MAP6: variants seen among roughly 807,000 people sequenced by gnomAD.
MAP6 encodes microtubule associated protein 6.
Under a neutral mutation model 42.4 loss-of-function variants are expected in MAP6, and 26 were observed. The observed-to-expected ratio is 0.61, with a 90% CI of 0.45 to 0.85. The LOEUF is 0.85. MAP6 is among the 40% of genes least tolerant of loss of function. The pLI, the probability that MAP6 is intolerant of heterozygous loss-of-function variation, is 0.00. For synonymous variants in MAP6, 418 were observed against 443.8 expected, an observed-to-expected ratio of 0.94 and a Z score of 0.73; for missense variants, 966 against 1,099.0, an observed-to-expected ratio of 0.88 and a Z score of 1.71.
intron 1 of MAP6, among the ~76,000 whole-genome samples, chr11:75,650,010 G>A (rs1019683759): frequency 6.6e-6 from 1 of 152,098 alleles, no homozygotes; most frequent in Admixed American, 6.5e-5. Flanking sequence ...GAGCAGTATC[G>A]AATGGATGGA....
chr11:75,639,080 G>A (rs571843448), intron 1 of MAP6, among the ~76,000 whole-genome samples: 1 of 152,328 alleles, frequency 6.6e-6, no homozygotes, highest in East Asian at 1.9e-4. Context: ...TCACTTGTAA[G>A]TGGGAGCTAA....
intron 1 of MAP6, chr11:75,635,781 T>C (rs1375716897): frequency 1.3e-5 from 2 of 152,172 alleles, no homozygotes; most frequent in Admixed American, 1.3e-4. Context: ...AGGCAGGGCT[T>C]TGGGGAGGTA....
intron 1 of MAP6, among the ~76,000 whole-genome samples, chr11:75,643,773 C>T (rs1357513403): frequency 1.3e-5 from 2 of 152,284 alleles, no homozygotes; most frequent in Non-Finnish European, 2.9e-5. Flanking sequence ...GAGGTAGGTG[C>T]TGTTATGATA....
At chr11:75,607,215 C>T (rs1565258704) in intron 2 of MAP6, 2 of 984,958 alleles carry the variant, frequency 2.0e-6, no homozygotes, top group Non-Finnish European at 1.2e-6. Context: ...GTTACCTTAC[C>T]CATAAACTGG....
At position 75,667,322 on chromosome 11, in the gene MAP6, TGGGA is replaced by T; in HGVS notation, c.905+139_905+142del. 1 of 708,640 alleles carries T rather than the reference TGGGA, an allele frequency of 1.4e-6. No homozygotes were observed. The highest frequency in any genetic ancestry group is 2.1e-6 in the Non-Finnish European group (1 of 476,372). The allele number at this position is 708,640 out of a possible 1,614,324, so 43.9% of individuals were successfully genotyped here. ...GAGAAGGCTTCGACAGGAGGTGGCC[TGGGA>T]GGCGGCTGGGGAGAGGGTGTGGCCT... is the stretch of plus-strand genomic sequence containing the variant. On this transcript the variant is annotated intron_variant, in intron 1 of 3. Transcript: ENST00000304771. This position sits in a 1 kb window ranked among gnomAD's most constrained non-coding sequence, Gnocchi z 5.6.
chr11:75,587,928 G>A lies in MAP6; in HGVS notation c.1573C>T (p.Pro525Ser). 4 of 1,614,168 alleles carry A rather than the reference G, an allele frequency of 2.5e-6. No homozygotes were observed. The highest frequency in any genetic ancestry group is 3.4e-6 in the Non-Finnish European group (4 of 1,180,034). ...ACCGAGGGACCTTGGTCCTTGACTG[G>A]TGCTGAGATAACAGGGCTTTCATTC... is the stretch of plus-strand genomic sequence containing the variant. Reference protein sequence around the residue: ...LKNESPVISAPVKDQGPSVPV... With the variant: ...LKNESPVISASVKDQGPSVPV... Residue 525 changes from proline to serine, a missense_variant, in exon 4 of 4, where the codon CCA (proline) becomes TCA (serine). Transcript: ENST00000304771.
At chr11:75,589,561 G>T (rs1444311459) in intron 3 of MAP6, among the ~76,000 whole-genome samples, 1 of 152,184 alleles carries the variant, frequency 6.6e-6, no homozygotes, top group Non-Finnish European at 1.5e-5. Flanking sequence ...AGAAAATGAG[G>T]TCATGAGAGG....
chr11:75,665,040 A>T (rs1943922239), intron 1 of MAP6, among the ~76,000 whole-genome samples: 1 of 152,226 alleles, frequency 6.6e-6, no homozygotes, highest in Non-Finnish European at 1.5e-5. Flanking sequence ...CCCGAAAGCC[A>T]TAGGTATAAT....
intron 1 of MAP6, among the ~76,000 whole-genome samples, chr11:75,616,059 A>C (rs1246017378): frequency 6.6e-6 from 1 of 152,206 alleles, no homozygotes; most frequent in Non-Finnish European, 1.5e-5. Context: ...GACATTTACA[A>C]GAAACAAGGA....
intron 1 of MAP6, among the ~76,000 whole-genome samples, chr11:75,657,087 T>C (rs1943762512): frequency 6.6e-6 from 1 of 152,052 alleles, no homozygotes. Flanking sequence ...ACTAGGAAGC[T>C]TTTGGCAATG....
chr11:75,650,977 G>A (rs1021201350), intron 1 of MAP6, among the ~76,000 whole-genome samples: 2 of 151,964 alleles, frequency 1.3e-5, no homozygotes, highest in African/African-American at 4.8e-5. Context: ...CTGCTGCTCT[G>A]TCCTCTCCTC....
chr11:75,653,177 T>C lies in MAP6; in HGVS notation c.905+14288A>G, dbSNP rs951169282. Reference sequence around the variant, plus strand: ...GGACCAATTCACTCGCCGAGAGTCATTCTTCCAACACTGGTTGAACTCTCT... The same window carrying C: ...GGACCAATTCACTCGCCGAGAGTCACTCTTCCAACACTGGTTGAACTCTCT... On this transcript the variant is annotated intron_variant, in intron 1 of 3. Transcript: ENST00000304771. Among the ~76,000 whole-genome samples the C allele has an allele frequency of 1.3e-5, 2 of 152,216 alleles. 1 individual carries two copies. Among genetic ancestry groups the C allele is most frequent in the African/African-American group, 4.8e-5 (2 of 41,462 alleles).
Position 75,661,677 on chromosome 11 carries a change from T to C in MAP6, c.905+5788A>G, listed in dbSNP as rs551662528. Among the ~76,000 whole-genome samples the C allele has an allele frequency of 2.6e-5, 4 of 152,102 alleles. No homozygotes were observed. The East Asian group carries it at 5.8e-4, about 22-fold the overall frequency. On this transcript the variant is annotated intron_variant, in intron 1 of 3. Transcript: ENST00000304771. ...GAAACCCCTAGCAAACTAAGATAAA[T>C]AGAAATTTCTTAACCTTATCTTATA...
At chr11:75,592,288 G>A (rs1165999418) in intron 3 of MAP6, among the ~76,000 whole-genome samples, 1 of 152,174 alleles carries the variant, frequency 6.6e-6, no homozygotes, top group Non-Finnish European at 1.5e-5. Context: ...TGCAGGCCAG[G>A]CTCCCCCTGC....
chr11:75,616,602 A>G (rs1942998584), intron 1 of MAP6, among the ~76,000 whole-genome samples: 1 of 152,366 alleles, frequency 6.6e-6, no homozygotes, highest in East Asian at 1.9e-4. Flanking sequence ...TAGATTAAAA[A>G]GAAAGAACAA....
chr11:75,647,934 ATTT>A (rs548655364), intron 1 of MAP6, among the ~76,000 whole-genome samples: 1 of 152,130 alleles, frequency 6.6e-6, no homozygotes, highest in East Asian at 1.9e-4. Flanking sequence ...TAAGTGTGGC[ATTT>A]TTTTTAGAAA....
chr11:75,605,776 G>A, intron 3 of MAP6, 32 bp downstream of exon 3: 4 of 1,605,048 alleles, frequency 2.5e-6, no homozygotes, highest in Non-Finnish European at 3.4e-6. Flanking sequence ...GAGAGAGAGA[G>A]AAGAGTAAAA....
intron 3 of MAP6, among the ~76,000 whole-genome samples, chr11:75,599,531 T>C (rs1425596215): frequency 6.6e-6 from 1 of 152,104 alleles, no homozygotes; most frequent in Non-Finnish European, 1.5e-5. Flanking sequence ...TGATAATTGG[T>C]CAGTATAGCC....
At chr11:75,658,406 C>T (rs1590810284) in intron 1 of MAP6, among the ~76,000 whole-genome samples, 1 of 148,902 alleles carries the variant, frequency 6.7e-6, no homozygotes, top group East Asian at 2.0e-4. Flanking sequence ...ACCCCCCCCG[C>T]CCCAGACAGC....
Sources: gnomAD v4.1 joint callset for allele counts (sites outside exome capture counted in the v4.1 genomes callset) on GRCh38, gnomAD v4.1.1 for gene constraint, Gnocchi (gnomAD v3.1) non-coding constraint, MANE v1.5 for transcripts, NCBI Gene and HGNC (gene_info 2026-07-23, HGNC 2026-07-21) for gene names.